PCDHA8: variants seen among roughly 807,000 people sequenced by gnomAD.
PCDHA8 encodes the protein protocadherin alpha 8, also known as protocadherin alpha-8.
In PCDHA8, 53 loss-of-function variants were observed where a neutral mutation model predicts 61.8. The observed-to-expected ratio is 0.86, with a 90% CI of 0.69 to 1.08. PCDHA8 has a LOEUF of 1.08. Among genes scored for constraint, PCDHA8 ranks in the 50% least tolerant of loss-of-function variants. The pLI, the probability that PCDHA8 is intolerant of heterozygous loss-of-function variation, is 0.00. For synonymous variants in PCDHA8, 618 were observed against 556.6 expected, an observed-to-expected ratio of 1.11 and a Z score of -1.55; for missense variants, 1,293 against 1,245.0, an observed-to-expected ratio of 1.04 and a Z score of -0.58.
At chr5:140,965,703 G>T (rs1280783019) in intron 1 of PCDHA8, among the ~76,000 whole-genome samples, 1 of 152,178 alleles carries the variant, frequency 6.6e-6, no homozygotes, top group Non-Finnish European at 1.5e-5. Flanking sequence ...GAAAAAGCTT[G>T]AGAGAAGAAT....
chr5:140,928,012 A>G (rs2084863036), intron 1 of PCDHA8: 2 of 1,614,190 alleles, frequency 1.2e-6, no homozygotes, highest in African/African-American at 2.7e-5. Context: ...TTCTAATGGT[A>G]GGGTCATTTG....
intron 3 of PCDHA8, among the ~76,000 whole-genome samples, chr5:140,996,747 T>C (rs940274322): frequency 1.3e-5 from 2 of 152,190 alleles, no homozygotes; most frequent in Non-Finnish European, 2.9e-5. Flanking sequence ...TAACAAATTA[T>C]ATCTGTGCAG....
intron 1 of PCDHA8, chr5:140,968,151 T>C: frequency 6.2e-7 from 1 of 1,614,134 alleles, no homozygotes; most frequent in Non-Finnish European, 8.5e-7. Flanking sequence ...ATCTCTGACA[T>C]CAATGACAAT....
In PCDHA8 at chr5:140,929,209, G is replaced by A. The variant is rs553616030; in HGVS notation, c.2395-49740G>A. Reference sequence around the variant, plus strand: ...TGATAATAACAGTTTGCTGTTGCGTGGGGAGTACAATGCTGCCGACCTGCG... The same window carrying A: ...TGATAATAACAGTTTGCTGTTGCGTAGGGAGTACAATGCTGCCGACCTGCG... On this transcript the variant is annotated intron_variant, in intron 1 of 3. Transcript: ENST00000531613. 71 of 1,614,054 alleles carry A rather than the reference G, an allele frequency of 4.4e-5. 2 individuals carry two copies. The South Asian group carries it at 7.1e-4, about 16-fold the overall frequency.
intron 1 of PCDHA8, chr5:140,928,453 T>G (rs528077853): frequency 1.9e-6 from 3 of 1,613,888 alleles, no homozygotes; most frequent in African/African-American, 2.7e-5. Flanking sequence ...GCTCAGGGGG[T>G]TTCATTTCCA....
At chr5:140,987,824 G>A (rs1032765154) in intron 3 of PCDHA8, among the ~76,000 whole-genome samples, 1 of 151,972 alleles carries the variant, frequency 6.6e-6, no homozygotes, top group Non-Finnish European at 1.5e-5. Flanking sequence ...TGTTTCCTTA[G>A]GGGATTGCTT....
At chr5:140,971,096 A>G (rs1240805149) in intron 1 of PCDHA8, among the ~76,000 whole-genome samples, 1 of 152,180 alleles carries the variant, frequency 6.6e-6, no homozygotes, top group African/African-American at 2.4e-5. Context: ...ATTCTTGTGA[A>G]GCCCTTTGGG....
rs1380123980 is a variant in PCDHA8 at position 140,841,792 on chromosome 5, G to T, written c.471G>T (p.Ala157=). Residue 157 remains alanine, a synonymous_variant, in exon 1 of 4, where the codon GCG becomes GCT. Coordinates refer to ENST00000531613, the MANE Select transcript of PCDHA8 (RefSeq NM_018911.3). The part of the protein sequence containing the change: ...MPDSRFPLEG[A]SDADVGANSV... ...ACTCTCGGTTTCCGCTAGAGGGCGCGTCCGATGCAGATGTTGGAGCTAACT... is the reference window on the plus strand; with the variant it reads ...ACTCTCGGTTTCCGCTAGAGGGCGCTTCCGATGCAGATGTTGGAGCTAACT... 5.6e-6 allele frequency: 9 copies of T among 1,613,798 alleles called. No homozygotes were observed. The South Asian group carries it at 7.7e-5, about 14-fold the overall frequency.
At chr5:140,877,605 G>A (rs1554169915) in intron 1 of PCDHA8, 1 of 1,613,856 alleles carries the variant, frequency 6.2e-7, no homozygotes, top group Non-Finnish European at 8.5e-7. Context: ...CCAGCCTGCT[G>A]GTGCTCACGC....
intron 1 of PCDHA8, among the ~76,000 whole-genome samples, chr5:140,895,848 G>C (rs147299280): frequency 2.2e-3 from 342 of 152,098 alleles, no homozygotes; most frequent in African/African-American, 8.1e-3. Context: ...TCTCACTCTT[G>C]TACCCCAGGC....
At chr5:140,927,258 T>C in intron 1 of PCDHA8, 1 of 1,613,878 alleles carries the variant, frequency 6.2e-7, no homozygotes, top group Non-Finnish European at 8.5e-7. Context: ...ACAACTCACC[T>C]CTCTTTCCTG....
chr5:140,869,838 A>G, intron 1 of PCDHA8: 6 of 1,611,734 alleles, frequency 3.7e-6, no homozygotes, highest in Non-Finnish European at 5.1e-6. Context: ...TTGATAAATC[A>G]GAATATAAGG....
chr5:140,953,127 G>A (rs909395659), intron 1 of PCDHA8, among the ~76,000 whole-genome samples: 2 of 152,060 alleles, frequency 1.3e-5, no homozygotes, highest in African/African-American at 4.8e-5. Flanking sequence ...GATCTAAACC[G>A]TATCACTGTT....
At chr5:140,870,001 G>T in intron 1 of PCDHA8, 34 of 1,613,566 alleles carry the variant, frequency 2.1e-5, no homozygotes, top group Non-Finnish European at 2.9e-5. Context: ...AAATAATGGA[G>T]AAGTGAGGGT....
chr5:140,969,168 C>T (rs1554231530), intron 1 of PCDHA8: 2 of 1,614,088 alleles, frequency 1.2e-6, no homozygotes, highest in Non-Finnish European at 1.7e-6. Flanking sequence ...ACAGCAGGCT[C>T]AGGGAGTGAC....
chr5:140,891,427 C>T (rs1465861457), intron 1 of PCDHA8, among the ~76,000 whole-genome samples: 2 of 149,500 alleles, frequency 1.3e-5, no homozygotes, highest in African/African-American at 4.9e-5. Flanking sequence ...CCCCCAAGTC[C>T]CCAACGTCCA....
chr5:140,919,424 T>G (rs1222822099), intron 1 of PCDHA8, among the ~76,000 whole-genome samples: 7 of 152,218 alleles, frequency 4.6e-5, no homozygotes, highest in Non-Finnish European at 2.9e-5. Context: ...CAATTCTGCC[T>G]TTTGATTGGG....
chr5:140,934,152 T>C (rs2089672287), intron 1 of PCDHA8, among the ~76,000 whole-genome samples: 1 of 152,190 alleles, frequency 6.6e-6, no homozygotes. Context: ...TATATGTTTA[T>C]ATTTCAGTGT....
At chr5:140,857,413 G>A (rs979396078) in intron 1 of PCDHA8, 1 of 1,598,402 alleles carries the variant, frequency 6.3e-7, no homozygotes, top group African/African-American at 1.3e-5. Context: ...CTGCGTTCGC[G>A]CAGTCCGAGT....
Sources: gnomAD v4.1 joint callset for allele counts (sites outside exome capture counted in the v4.1 genomes callset) on GRCh38, gnomAD v4.1.1 for gene constraint, MANE v1.5 for transcripts, NCBI Gene and HGNC (gene_info 2026-07-23, HGNC 2026-07-21) for gene names.